Variants in ZFHX3 observed in about 807,000 individuals in gnomAD.
ZFHX3 encodes the protein zinc finger homeobox 3.
Under a neutral mutation model 279.1 loss-of-function variants are expected in ZFHX3, and 42 were observed. That is an observed-to-expected ratio of 0.15 (90% CI 0.12 to 0.19). The LOEUF is 0.19. Among genes scored for constraint, ZFHX3 ranks in the 10% least tolerant of loss-of-function variants. ZFHX3 has a pLI of 1.00. For missense variants in ZFHX3, 4,981 were observed against 4,754.0 expected, an observed-to-expected ratio of 1.05 and a Z score of -1.40; for synonymous variants, 2,293 against 1,957.8, an observed-to-expected ratio of 1.17 and a Z score of -4.52.
intron 1 of ZFHX3, among the ~76,000 whole-genome samples, chr16:72,991,868 T>C (rs950575565): frequency 2.0e-5 from 3 of 152,166 alleles, no homozygotes; most frequent in Admixed American, 6.5e-5. Context: ...CATTAGCCAG[T>C]CAATGTTTAT....
intron 1 of ZFHX3, among the ~76,000 whole-genome samples, chr16:72,962,981 C>G (rs1193604743): frequency 6.6e-6 from 1 of 152,162 alleles, no homozygotes; most frequent in Non-Finnish European, 1.5e-5. Flanking sequence ...ACAGCCGGCT[C>G]TCTCTCGCTC....
chr16:72,798,815 A>C (rs2036004238), intron 8 of ZFHX3, 101 bp from the exon 9 acceptor site: 2 of 1,450,514 alleles, frequency 1.4e-6, no homozygotes, highest in East Asian at 4.9e-5. Flanking sequence ...ATGAACACAG[A>C]ATCTGATGAT....
intron 1 of ZFHX3, among the ~76,000 whole-genome samples, chr16:73,010,601 GCCT>G (rs768484513): frequency 6.6e-6 from 1 of 152,112 alleles, no homozygotes; most frequent in Non-Finnish European, 1.5e-5. Context: ...CCTCATCTCA[GCCT>G]CCTCCTCTCA....
intron 3 of ZFHX3, among the ~76,000 whole-genome samples, chr16:73,322,840 G>A (rs2015604859): frequency 6.6e-6 from 1 of 152,216 alleles, no homozygotes; most frequent in Non-Finnish European, 1.5e-5. Flanking sequence ...TTATAATTTA[G>A]TTGGAAAATA....
chr16:73,066,656 A>G lies in ZFHX3; in HGVS notation c.-532-7644T>C, dbSNP rs1322343218. On this transcript the variant is annotated intron_variant, in intron 8 of 17. Transcript: ENST00000641206. ...ATTATGCCCCTGCGGATGCCCAGAA[A>G]AGCCACGAGGCCCGGGGGACCGCCC... 2.0e-5 allele frequency among the ~76,000 whole-genome samples: 3 copies of G among 152,110 alleles called. No individual in the cohort carries two copies. In the East Asian group the frequency reaches 5.8e-4, roughly 30 times the overall value.
At chr16:73,676,053 C>T (rs780740169) in intron 2 of ZFHX3, among the ~76,000 whole-genome samples, 1 of 151,966 alleles carries the variant, frequency 6.6e-6, no homozygotes, top group Non-Finnish European at 1.5e-5. Flanking sequence ...TACTCAAACT[C>T]ACTAAGAGAT....
At chr16:73,151,406 A>G (rs1301723876) in intron 5 of ZFHX3, among the ~76,000 whole-genome samples, 1 of 152,124 alleles carries the variant, frequency 6.6e-6, no homozygotes, top group East Asian at 1.9e-4. Context: ...TTGCATGTAG[A>G]GAACAGCATT....
chr16:73,318,819 C>T (rs1253364019), intron 3 of ZFHX3, among the ~76,000 whole-genome samples: 1 of 152,210 alleles, frequency 6.6e-6, no homozygotes. Context: ...TGCATAGAGT[C>T]AGGCCCCCTG....
intron 2 of ZFHX3, among the ~76,000 whole-genome samples, chr16:72,951,519 C>T (rs1961001047): frequency 6.6e-6 from 1 of 152,196 alleles, no homozygotes; most frequent in Non-Finnish European, 1.5e-5. Context: ...GCCTCGGCCA[C>T]CCAAAGTGCT....
chr16:72,904,686 G>A (rs960401963), intron 3 of ZFHX3, among the ~76,000 whole-genome samples: 1 of 152,110 alleles, frequency 6.6e-6, no homozygotes, highest in South Asian at 2.1e-4. Context: ...ATGCTGAAAT[G>A]CCTCACATCT....
chr16:73,294,576 C>G (rs1161639906), intron 4 of ZFHX3, among the ~76,000 whole-genome samples: 1 of 152,032 alleles, frequency 6.6e-6, no homozygotes, highest in Non-Finnish European at 1.5e-5. Context: ...TTCGGGAGGC[C>G]GAGATGGGCA....
At chr16:72,902,849 A>G (rs1266108051) in intron 3 of ZFHX3, among the ~76,000 whole-genome samples, 1 of 152,204 alleles carries the variant, frequency 6.6e-6, no homozygotes, top group Non-Finnish European at 1.5e-5. Context: ...GACAAGGCTG[A>G]ACCTCAAAGT....
At chr16:73,178,478 C>T (rs73595285) in intron 5 of ZFHX3, among the ~76,000 whole-genome samples, 2 of 152,052 alleles carry the variant, frequency 1.3e-5, no homozygotes, top group Non-Finnish European at 2.9e-5. Context: ...TGCCCCTACC[C>T]CAAAGACTCC....
intron 8 of ZFHX3, among the ~76,000 whole-genome samples, chr16:73,070,506 C>G (rs755165821): frequency 6.6e-6 from 1 of 152,140 alleles, no homozygotes; most frequent in Non-Finnish European, 1.5e-5. Context: ...TATTCCTTGA[C>G]TTGTAAGAAT....
chr16:73,138,850 G>C (rs1465973931), intron 6 of ZFHX3, among the ~76,000 whole-genome samples: 1 of 152,048 alleles, frequency 6.6e-6, no homozygotes, highest in African/African-American at 2.4e-5. Flanking sequence ...ACTATGCCTG[G>C]CTTATTTTTG....
chr16:73,841,449 G>C (rs1961305501), intron 1 of ZFHX3, among the ~76,000 whole-genome samples: 1 of 152,112 alleles, frequency 6.6e-6, no homozygotes, highest in African/African-American at 2.4e-5. Context: ...AAGACACCTG[G>C]GCTTGGAGGG....
chr16:72,959,262 C>G lies in ZFHX3; in HGVS notation c.884G>C (p.Arg295Pro), dbSNP rs754613484. The G allele has an allele frequency of 6.8e-6, 11 of 1,614,202 alleles. No individual in the cohort carries two copies. Among genetic ancestry groups the G allele is most frequent in the Non-Finnish European group, 9.3e-6 (11 of 1,180,032 alleles). Residue 295 changes from arginine to proline, a missense_variant, in exon 2 of 10, where the codon CGT becomes CCT. Coordinates refer to ENST00000268489, the MANE Select transcript of ZFHX3 (RefSeq NM_006885.4). ...ATGCACCGCGTGGGTCACAAACGAACGGACGTACCCAAAGGAGAGTTTGCA... is the reference window on the plus strand; with the variant it reads ...ATGCACCGCGTGGGTCACAAACGAAGGGACGTACCCAAAGGAGAGTTTGCA... ...FLCKLSFGYV[R>P]SFVTHAVHDH... is the part of the protein sequence containing the mutation.
intron 3 of ZFHX3, among the ~76,000 whole-genome samples, chr16:73,443,766 C>CT (rs1254124510): frequency 4.0e-5 from 6 of 151,510 alleles, no homozygotes; most frequent in African/African-American, 1.5e-4. Context: ...GGCTTTTTTT[C>CT]TTTTTTTGGA....
chr16:73,143,822 A>C (rs976852328), exon 6 of ZFHX3: 1 of 1,296,634 alleles, frequency 7.7e-7, no homozygotes, highest in African/African-American at 1.5e-5. Flanking sequence ...TGTAACTTAT[A>C]TCTTCCGAGC....
Sources: allele counts gnomAD v4.1 joint callset (sites outside exome capture counted in the v4.1 genomes callset), GRCh38; gene constraint gnomAD v4.1.1; transcripts MANE v1.5; gene names NCBI Gene and HGNC (gene_info 2026-07-23, HGNC 2026-07-21).